Variants in AHDC1 observed in about 807,000 individuals in gnomAD.
The protein encoded by AHDC1 is transcription factor Gibbin.
A neutral mutation model predicts 87.9 loss-of-function variants in AHDC1; 7 were observed. The observed-to-expected ratio is 0.08, with a 90% CI of 0.05 to 0.15. AHDC1 has a LOEUF of 0.15. AHDC1 is among the 10% of genes least tolerant of loss of function. The pLI is 1.00. For missense variants in AHDC1, 1,841 were observed against 2,253.2 expected, an observed-to-expected ratio of 0.82 and a Z score of 3.70; for synonymous variants, 1,051 against 1,006.8, an observed-to-expected ratio of 1.04 and a Z score of -0.83.
At position 27,550,514 on chromosome 1, in the gene AHDC1, G is replaced by A; in HGVS notation, c.1602C>T (p.Phe534=). Residue 534 remains phenylalanine, a synonymous_variant, in exon 8 of 9, where the codon TTC becomes TTT. Coordinates refer to ENST00000673934, the MANE Select transcript of AHDC1 (RefSeq NM_001371928.1). ...KNNGRNVVVV[F]PPGEMPIILK... is the part of the protein sequence containing the mutation. ...GAATAATGGGCATCTCACCGGGTGG[G>A]AAGACCACTACCACGTTCCGCCCAT... The A allele has an allele frequency of 6.2e-7, 1 of 1,609,288 alleles. No individual in the cohort carries two copies. The highest frequency in any genetic ancestry group is 8.5e-7 in the Non-Finnish European group (1 of 1,176,230).
At chr1:27,578,088 GC>G (rs2088808085) in intron 3 of AHDC1, among the ~76,000 whole-genome samples, 1 of 152,190 alleles carries the variant, frequency 6.6e-6, no homozygotes, top group African/African-American at 2.4e-5. Context: ...CCAAAGAAAA[GC>G]CTGTTTCTAA....
intron 8 of AHDC1, among the ~76,000 whole-genome samples, chr1:27,535,407 T>C (rs1307990292): frequency 1.3e-5 from 2 of 152,176 alleles, no homozygotes; most frequent in African/African-American, 4.8e-5. Context: ...TAAATTATAC[T>C]GATTATTATT....
intron 3 of AHDC1, among the ~76,000 whole-genome samples, chr1:27,594,176 TAGTAA>T (rs2089302184): frequency 6.6e-6 from 1 of 152,132 alleles, no homozygotes; most frequent in South Asian, 2.1e-4. Flanking sequence ...ATCATGCATC[TAGTAA>T]AGTAACCTTC....
chr1:27,554,531 G>A (rs2019735764), intron 5 of AHDC1, among the ~76,000 whole-genome samples: 1 of 152,152 alleles, frequency 6.6e-6, no homozygotes, highest in Non-Finnish European at 1.5e-5. Context: ...GGGCAGAGCT[G>A]GGATTTAGAT....
chr1:27,588,205 T>C (rs1375774636), intron 3 of AHDC1, among the ~76,000 whole-genome samples: 1 of 152,202 alleles, frequency 6.6e-6, no homozygotes, highest in African/African-American at 2.4e-5. Context: ...CTATTCCCAC[T>C]GCCTGGAACA....
intron 3 of AHDC1, among the ~76,000 whole-genome samples, chr1:27,577,497 G>C (rs925250341): frequency 6.6e-6 from 1 of 152,118 alleles, no homozygotes; most frequent in Non-Finnish European, 1.5e-5. Flanking sequence ...CCTAGCCTCA[G>C]AGCCATGGGG....
chr1:27,548,027 G>C lies in AHDC1; in HGVS notation c.4089C>G (p.Phe1363Leu), dbSNP rs982121315. ...TPSDGTFGQG[F>L]HCDSPSLGAP... is the part of the protein sequence containing the mutation. The stretch of plus-strand genomic sequence containing the variant: ...CACCCAGGCTGGGCGAGTCGCAGTG[G>C]AAGCCTTGGCCAAAGGTGCCATCGG... Residue 1363 changes from phenylalanine to leucine, a missense_variant, in exon 8 of 9, where the codon TTC becomes TTG. Phe to Leu is a conservative substitution (Grantham distance 22). This residue lies in a region of AHDC1 where 505 missense variants were observed against 626.2 expected (regional missense o/e 0.81). Coordinates refer to ENST00000673934, the MANE Select transcript of AHDC1 (RefSeq NM_001371928.1). 3 of 1,611,466 alleles carry C rather than the reference G, an allele frequency of 1.9e-6. No individual in the cohort carries two copies. The African/African-American group carries it at 4.0e-5, about 22-fold the overall frequency.
At position 27,565,463 on chromosome 1, in the gene AHDC1, T is replaced by C. The variant is rs1432050077; in HGVS notation, c.-628-6580A>G. Among the ~76,000 whole-genome samples the C allele has an allele frequency of 6.6e-6, 1 of 152,132 alleles. No individual in the cohort carries two copies. The highest frequency in any genetic ancestry group is 1.5e-5 in the Non-Finnish European group (1 of 68,008). Reference sequence around the variant, plus strand: ...CGGGCCAGACAGCAGGGGCTGCCAGTCTTGAAGGGAGGCGAGGCACTGTCC... The same window carrying C: ...CGGGCCAGACAGCAGGGGCTGCCAGCCTTGAAGGGAGGCGAGGCACTGTCC... On this transcript the variant is annotated intron_variant, in intron 3 of 8. Transcript: ENST00000673934. This position sits in a 1 kb window ranked among gnomAD's most constrained non-coding sequence, Gnocchi z 4.6.
chr1:27,570,656 T>C (rs78575225), intron 3 of AHDC1, among the ~76,000 whole-genome samples: 262 of 152,282 alleles, frequency 1.7e-3, no homozygotes, highest in Non-Finnish European at 3.4e-3. Flanking sequence ...CACTCTTCTC[T>C]TTGTTTAGAA....
At chr1:27,580,593 C>A (rs1397409778) in intron 3 of AHDC1, among the ~76,000 whole-genome samples, 1 of 152,198 alleles carries the variant, frequency 6.6e-6, no homozygotes, top group Non-Finnish European at 1.5e-5. Context: ...ACTTCCAACC[C>A]TGACTGGGCA....
intron 3 of AHDC1, among the ~76,000 whole-genome samples, chr1:27,575,917 G>C (rs1159049355): frequency 6.6e-6 from 1 of 151,896 alleles, no homozygotes; most frequent in Non-Finnish European, 1.5e-5. Context: ...TCACGTGGCG[G>C]GGGGAGGGGA....
In AHDC1 at chr1:27,598,451, G is replaced by C. The variant is rs533351976; in HGVS notation, c.-629+4946C>G. On this transcript the variant is annotated intron_variant, in intron 3 of 8. Transcript: ENST00000673934. The surrounding 1 kb of genome is among the most constrained non-coding windows in gnomAD (Gnocchi z 4.2). ...CAATGGAAGAGATGCTGGGATCCAG[G>C]AGGGAGGGGCCAGGAGAGGCCAGGC... is the stretch of plus-strand genomic sequence containing the variant. Among the ~76,000 whole-genome samples the C allele has an allele frequency of 6.6e-6, 1 of 152,328 alleles. No individual in the cohort carries two copies. Among genetic ancestry groups the C allele is most frequent in the East Asian group, 1.9e-4 (1 of 5,182 alleles).
chr1:27,540,330 G>A (rs548407677), intron 8 of AHDC1, among the ~76,000 whole-genome samples: 4 of 151,202 alleles, frequency 2.6e-5, no homozygotes, highest in Non-Finnish European at 4.4e-5. Flanking sequence ...GTCCCATCCC[G>A]TTCCCCAGGG....
chr1:27,594,671 A>C (rs752679637), intron 3 of AHDC1, among the ~76,000 whole-genome samples: 7 of 152,120 alleles, frequency 4.6e-5, no homozygotes, highest in Non-Finnish European at 7.4e-5. Flanking sequence ...GAAGAGCGGG[A>C]GGCCTGGGCA....
chr1:27,580,231 TAG>T (rs1238717806), intron 3 of AHDC1, among the ~76,000 whole-genome samples: 1 of 151,932 alleles, frequency 6.6e-6, no homozygotes, highest in African/African-American at 2.4e-5. Flanking sequence ...GGCCAAGAGA[TAG>T]AGTGGCCCCA....
chr1:27,553,264 C>T (rs1045588024), intron 5 of AHDC1, 79 bp from the exon 6 acceptor site: 8 of 152,412 alleles, frequency 5.2e-5, no homozygotes, highest in African/African-American at 1.2e-4. Context: ...GTCCAGGCAT[C>T]GTTTCATTTA....
At chr1:27,575,417 A>C (rs2088691812) in intron 3 of AHDC1, among the ~76,000 whole-genome samples, 1 of 151,996 alleles carries the variant, frequency 6.6e-6, no homozygotes, top group African/African-American at 2.4e-5. Flanking sequence ...CGAGGAGGCG[A>C]GGGGTGCTCT....
At chr1:27,599,117 G>C (rs1410338093) in intron 3 of AHDC1, among the ~76,000 whole-genome samples, 3 of 152,290 alleles carry the variant, frequency 2.0e-5, no homozygotes, top group East Asian at 3.9e-4. Context: ...GCAGAATCAG[G>C]CTCCTTCCTG....
At chr1:27,588,781 G>A (rs975028092) in intron 3 of AHDC1, among the ~76,000 whole-genome samples, 1 of 152,192 alleles carries the variant, frequency 6.6e-6, no homozygotes, top group Admixed American at 6.5e-5. Flanking sequence ...GTGTTTGTAG[G>A]GGGGCTGTGT....
Sources: gnomAD v4.1 joint callset for allele counts (sites outside exome capture counted in the v4.1 genomes callset) on GRCh38, gnomAD v4.1.1 for gene constraint, gnomAD v4.1.1 regional missense constraint, Gnocchi (gnomAD v3.1) non-coding constraint, MANE v1.5 for transcripts, NCBI Gene and HGNC (gene_info 2026-07-23, HGNC 2026-07-21) for gene names.